PPP4R3B: variants seen among roughly 807,000 people sequenced by gnomAD.
PPP4R3B encodes protein phosphatase 4 regulatory subunit 3B.
A neutral mutation model predicts 95.4 loss-of-function variants in PPP4R3B; 52 were observed. The observed-to-expected ratio is 0.54, with a 90% CI of 0.44 to 0.69. The LOEUF is 0.69. Ranked by LOEUF, PPP4R3B falls within the 30% of genes least tolerant of loss-of-function variation. PPP4R3B has a pLI of 0.00. For missense variants in PPP4R3B, 1,003 were observed against 1,005.9 expected (o/e 1.00, Z 0.04); for synonymous variants, 407 against 343.9 (o/e 1.18, Z -2.03).
chr2:55,592,959 A>G (rs6712511), intron 4 of PPP4R3B, among the ~76,000 whole-genome samples: 37 of 152,188 alleles, frequency 2.4e-4, no homozygotes, highest in African/African-American at 8.4e-4. Context: ...TTGGGAGTTC[A>G]AGACCAGCCT....
At position 55,586,673 on chromosome 2, in the gene PPP4R3B, G is replaced by A; in HGVS notation, c.1061C>T (p.Ala354Val). ...SQTLQPQNRD[A>V]FFKTLAKLGI... ...CAATTTTGCCAATGTTTTGAAAAAT[G>A]CATCCCTGTTTTGAGGTTGTAATGT... Residue 354 changes from alanine to valine, a missense_variant, in exon 6 of 17, where the codon GCA becomes GTA. This residue lies in a region of PPP4R3B where 695 missense variants were observed against 686.2 expected (regional missense o/e 1.01). Coordinates refer to ENST00000616407, the MANE Select transcript of PPP4R3B (RefSeq NM_001122964.3). 2 of 1,610,848 alleles carry A rather than the reference G, an allele frequency of 1.2e-6. No individual in the cohort carries two copies. The highest frequency in any genetic ancestry group is 2.2e-5 in the South Asian group (2 of 90,294).
chr2:55,567,888 A>G (rs1326803437), intron 13 of PPP4R3B: 1 of 162,554 alleles, frequency 6.2e-6, no homozygotes, highest in Non-Finnish European at 1.3e-5. Flanking sequence ...TGAGAAAATC[A>G]AGTAAATATG....
intron 4 of PPP4R3B, among the ~76,000 whole-genome samples, chr2:55,592,107 T>TA (rs1691111632): frequency 6.6e-6 from 1 of 152,192 alleles, no homozygotes; most frequent in African/African-American, 2.4e-5. Flanking sequence ...TGCAGTAATA[T>TA]AAATACAGGC....
At chr2:55,585,914 C>A (rs1690071218) in intron 6 of PPP4R3B, among the ~76,000 whole-genome samples, 1 of 151,592 alleles carries the variant, frequency 6.6e-6, no homozygotes, top group Non-Finnish European at 1.5e-5. Flanking sequence ...CATTCAATCA[C>A]AAGTACAGTG....
chr2:55,554,372 T>A (rs907372648), intron 16 of PPP4R3B, among the ~76,000 whole-genome samples: 12 of 152,220 alleles, frequency 7.9e-5, no homozygotes, highest in Admixed American at 7.9e-4. Context: ...TATTTTATAT[T>A]CTCACTAGCA....
At chr2:55,564,544 C>T in intron 14 of PPP4R3B, 47 bp from the exon 15 acceptor site, 7 of 1,496,718 alleles carry the variant, frequency 4.7e-6, no homozygotes, top group Non-Finnish European at 6.3e-6. Context: ...TAAAGTTCAT[C>T]ATCAGATTGA....
chr2:55,590,220 G>A (rs1011666376), intron 4 of PPP4R3B, among the ~76,000 whole-genome samples: 67 of 151,510 alleles, frequency 4.4e-4, no homozygotes, highest in Non-Finnish European at 9.1e-4. Flanking sequence ...CTAGCTACTA[G>A]GGAGGCTGAG....
chr2:55,591,116 T>G (rs570028317), intron 4 of PPP4R3B, among the ~76,000 whole-genome samples: 2 of 152,060 alleles, frequency 1.3e-5, no homozygotes, highest in South Asian at 4.1e-4. Flanking sequence ...ATATGTAATC[T>G]TTTATTTAGC....
chr2:55,580,810 C>A (rs895992734), intron 8 of PPP4R3B, among the ~76,000 whole-genome samples: 3 of 152,044 alleles, frequency 2.0e-5, no homozygotes, highest in African/African-American at 7.2e-5. Context: ...GAGAGAATGA[C>A]TATTAATATT....
chr2:55,593,024 T>C (rs556647879), intron 4 of PPP4R3B, among the ~76,000 whole-genome samples: 208 of 152,212 alleles, frequency 1.4e-3, no homozygotes, highest in African/African-American at 4.9e-3. Flanking sequence ...CCAGGCATGG[T>C]GGCTGCTGCC....
intron 9 of PPP4R3B, 29 bp from the exon 10 acceptor site, chr2:55,578,371 G>A: frequency 7.5e-7 from 1 of 1,331,422 alleles, no homozygotes; most frequent in South Asian, 2.6e-5. Flanking sequence ...AGTTAGTTTT[G>A]ATAAAGCCAA....
chr2:55,578,847 T>C (rs1361516355), intron 9 of PPP4R3B, among the ~76,000 whole-genome samples: 1 of 152,108 alleles, frequency 6.6e-6, no homozygotes, highest in African/African-American at 2.4e-5. Flanking sequence ...GCTAATGTTC[T>C]ATTATGCCCC....
intron 15 of PPP4R3B, among the ~76,000 whole-genome samples, chr2:55,562,560 A>G (rs377333164): frequency 6.6e-6 from 1 of 152,190 alleles, no homozygotes; most frequent in Non-Finnish European, 1.5e-5. Flanking sequence ...CCTTTCAGCC[A>G]TGTTTCCTGT....
At chr2:55,592,194 G>C (rs1202629178) in intron 4 of PPP4R3B, among the ~76,000 whole-genome samples, 2 of 152,124 alleles carry the variant, frequency 1.3e-5, no homozygotes, top group South Asian at 4.1e-4. Context: ...ATCAGATTTT[G>C]CAACATTACA....
intron 14 of PPP4R3B, 142 bp from the exon 15 acceptor site, chr2:55,564,639 T>TAGA: frequency 1.3e-6 from 1 of 799,002 alleles, no homozygotes; most frequent in Non-Finnish European, 1.9e-6. Context: ...TCTGTAATGA[T>TAGA]AGAAGATGTA....
At chr2:55,572,530 T>A (rs974672445) in intron 12 of PPP4R3B, among the ~76,000 whole-genome samples, 1 of 152,212 alleles carries the variant, frequency 6.6e-6, no homozygotes, top group African/African-American at 2.4e-5. Flanking sequence ...TACCACATTT[T>A]TCAGTATCAG....
At chr2:55,616,828 C>T (rs1298685421) in intron 1 of PPP4R3B, among the ~76,000 whole-genome samples, 1 of 151,986 alleles carries the variant, frequency 6.6e-6, no homozygotes, top group East Asian at 1.9e-4. Flanking sequence ...GGTGTCAGCT[C>T]CTAGGGCGAC....
chr2:55,597,313 C>G (rs956451213), intron 4 of PPP4R3B, among the ~76,000 whole-genome samples: 1 of 152,098 alleles, frequency 6.6e-6, no homozygotes, highest in Admixed American at 6.6e-5. Flanking sequence ...ATGGAGAAAC[C>G]CCCCTCTACT....
At chr2:55,607,103 C>CA (rs1340136903) in intron 2 of PPP4R3B, among the ~76,000 whole-genome samples, 1 of 152,156 alleles carries the variant, frequency 6.6e-6, no homozygotes, top group Non-Finnish European at 1.5e-5. Flanking sequence ...CAATAATTCA[C>CA]AAAAGTTGGG....
Sources: allele counts gnomAD v4.1 joint callset (sites outside exome capture counted in the v4.1 genomes callset), GRCh38; gene constraint gnomAD v4.1.1; regional missense constraint gnomAD v4.1.1; transcripts MANE v1.5; gene names NCBI Gene and HGNC (gene_info 2026-07-23, HGNC 2026-07-21).